MARCHF3: variants seen among roughly 807,000 people sequenced by gnomAD.
MARCHF3 encodes membrane associated ring-CH-type finger 3, also known as E3 ubiquitin-protein ligase MARCHF3.
In MARCHF3, 13 loss-of-function variants were observed where a neutral mutation model predicts 24.2. The ratio of observed to expected loss-of-function variants is 0.54; its 90% CI spans 0.35 to 0.85. MARCHF3 has a LOEUF of 0.85. Among genes scored for constraint, MARCHF3 ranks in the 40% least tolerant of loss-of-function variants. MARCHF3 has a pLI of 0.01. For synonymous variants in MARCHF3, 144 were observed against 137.3 expected (o/e 1.05, Z -0.34); for missense variants, 276 against 325.0 (o/e 0.85, Z 1.16).
At chr5:126,871,930 C>T (rs940632313) in intron 4 of MARCHF3, among the ~76,000 whole-genome samples, 2 of 151,936 alleles carry the variant, frequency 1.3e-5, no homozygotes, top group Non-Finnish European at 2.9e-5. Context: ...AGGCTGGTCT[C>T]GAACTCCTGA....
chr5:126,965,589 G>A (rs1186108236), intron 1 of MARCHF3, among the ~76,000 whole-genome samples: 2 of 152,292 alleles, frequency 1.3e-5, no homozygotes, highest in South Asian at 2.1e-4. Flanking sequence ...TATTAATGCT[G>A]ATTGAACCTT....
At chr5:126,903,991 C>T (rs914107236) in intron 3 of MARCHF3, among the ~76,000 whole-genome samples, 1 of 132,486 alleles carries the variant, frequency 7.5e-6, no homozygotes, top group African/African-American at 2.8e-5. Context: ...AGTCCCCAGA[C>T]TGTGATGTTC....
intron 3 of MARCHF3, among the ~76,000 whole-genome samples, chr5:126,890,464 A>T (rs1445571435): frequency 8.2e-6 from 1 of 122,428 alleles, no homozygotes; most frequent in Non-Finnish European, 1.6e-5. Flanking sequence ...CAGTCCCCAG[A>T]CTGTGATATT....
rs557515246 is a variant in MARCHF3 at position 126,887,381 on chromosome 5, G to T, written c.394-8987C>A. 3.9e-5 allele frequency among the ~76,000 whole-genome samples: 6 copies of T among 152,250 alleles called. No individual in the cohort carries two copies. In the South Asian group the frequency reaches 8.3e-4, roughly 21 times the overall value. ...TGTCACCAGTACAAACAGAAATACA[G>T]ATATTTCGTATCCCATTACAATTGT... On this transcript the variant is annotated intron_variant, in intron 3 of 4. Coordinates refer to ENST00000308660, the MANE Select transcript of MARCHF3 (RefSeq NM_178450.5).
intron 1 of MARCHF3, among the ~76,000 whole-genome samples, chr5:126,983,030 A>G (rs1751442365): frequency 6.6e-6 from 1 of 152,148 alleles, no homozygotes; most frequent in African/African-American, 2.4e-5. Context: ...TTCTTAAAAG[A>G]TAGGAGAAGC....
intron 1 of MARCHF3, among the ~76,000 whole-genome samples, chr5:126,965,582 TA>T (rs1750779115): frequency 6.6e-6 from 1 of 152,218 alleles, no homozygotes; most frequent in South Asian, 2.1e-4. Context: ...ATATTAATAT[TA>T]ATGCTGATTG....
intron 3 of MARCHF3, among the ~76,000 whole-genome samples, chr5:126,910,414 G>A (rs1055401226): frequency 2.6e-5 from 4 of 152,162 alleles, no homozygotes; most frequent in African/African-American, 9.7e-5. Context: ...CAAATTTTAG[G>A]GGAACAAGTC....
intron 1 of MARCHF3, among the ~76,000 whole-genome samples, chr5:127,025,907 G>T (rs1016381835): frequency 6.6e-6 from 1 of 152,128 alleles, no homozygotes; most frequent in East Asian, 1.9e-4. Context: ...AACTTAAGGG[G>T]GCATTTCGGA....
intron 1 of MARCHF3, among the ~76,000 whole-genome samples, chr5:127,015,598 G>T (rs1259773517): frequency 6.6e-6 from 1 of 152,172 alleles, no homozygotes; most frequent in African/African-American, 2.4e-5. Context: ...AAAGCATTCT[G>T]CTTCATTTCT....
At chr5:126,874,648 G>C (rs1753085807) in intron 4 of MARCHF3, among the ~76,000 whole-genome samples, 1 of 151,444 alleles carries the variant, frequency 6.6e-6, no homozygotes, top group Non-Finnish European at 1.5e-5. Context: ...TTTTGATTTT[G>C]CCCTTTCTCT....
chr5:126,926,304 TA>T (rs1749296144), intron 1 of MARCHF3, among the ~76,000 whole-genome samples: 1 of 152,140 alleles, frequency 6.6e-6, no homozygotes, highest in Non-Finnish European at 1.5e-5. Context: ...CAGGGCAGTC[TA>T]AACTCTGCAT....
intron 1 of MARCHF3, among the ~76,000 whole-genome samples, chr5:127,025,348 G>C (rs377438026): frequency 1.3e-5 from 2 of 150,554 alleles, no homozygotes; most frequent in African/African-American, 4.9e-5. Flanking sequence ...CCAGGGGAAG[G>C]CCTGCTGCTA....
intron 1 of MARCHF3, among the ~76,000 whole-genome samples, chr5:127,015,622 A>C (rs1044881457): frequency 3.3e-5 from 5 of 152,230 alleles, no homozygotes; most frequent in African/African-American, 1.2e-4. Flanking sequence ...AACCCCTTCC[A>C]AACTAAAATC....
chr5:126,981,770 A>G (rs1437350547), intron 1 of MARCHF3, among the ~76,000 whole-genome samples: 1 of 152,242 alleles, frequency 6.6e-6, no homozygotes, highest in East Asian at 1.9e-4. Flanking sequence ...ACCTAAGCCA[A>G]CAGTAACAGA....
chr5:126,914,609 G>C, intron 3 of MARCHF3: 1 of 458,284 alleles, frequency 2.2e-6, no homozygotes, highest in Non-Finnish European at 3.9e-6. Context: ...TTGATCTGTT[G>C]GTTCCATTTC....
At chr5:126,942,431 T>C (rs555579636) in intron 1 of MARCHF3, among the ~76,000 whole-genome samples, 1 of 151,428 alleles carries the variant, frequency 6.6e-6, no homozygotes, top group East Asian at 1.9e-4. Flanking sequence ...AATTCTTTGT[T>C]TTAGTTTTGT....
chr5:126,985,615 C>T (rs1751539611), intron 1 of MARCHF3, among the ~76,000 whole-genome samples: 1 of 151,720 alleles, frequency 6.6e-6, no homozygotes, highest in African/African-American at 2.4e-5. Context: ...ACTACAGGCG[C>T]CCGCCACCAC....
chr5:126,991,078 A>G (rs1182539187), intron 1 of MARCHF3, among the ~76,000 whole-genome samples: 1 of 152,232 alleles, frequency 6.6e-6, no homozygotes, highest in Admixed American at 6.5e-5. Flanking sequence ...AAATCATGCT[A>G]CTATAAAGAC....
chr5:126,993,943 G>C (rs1017112144), intron 1 of MARCHF3, among the ~76,000 whole-genome samples: 4 of 152,142 alleles, frequency 2.6e-5, no homozygotes, highest in Non-Finnish European at 5.9e-5. Context: ...CAACTACTTT[G>C]GAAAATGGTT....
Sources: allele counts gnomAD v4.1 joint callset (sites outside exome capture counted in the v4.1 genomes callset), GRCh38; gene constraint gnomAD v4.1.1; transcripts MANE v1.5; gene names NCBI Gene and HGNC (gene_info 2026-07-23, HGNC 2026-07-21).